HS3ST4: variants seen among roughly 807,000 people sequenced by gnomAD.
HS3ST4 encodes heparan sulfate-glucosamine 3-sulfotransferase 4.
Under a neutral mutation model 29.2 loss-of-function variants are expected in HS3ST4, and 17 were observed. That is an observed-to-expected ratio of 0.58 (90% confidence interval 0.40 to 0.87). The LOEUF (loss-of-function observed/expected upper bound fraction) is 0.87, where lower values mean the gene tolerates loss of function less well. Among genes scored for constraint, HS3ST4 ranks in the 40% least tolerant of loss-of-function variants. HS3ST4 has a pLI of 0.00. For synonymous variants in HS3ST4, 314 were observed against 285.7 expected (o/e 1.10, Z -1.00); for missense variants, 627 against 634.5 (o/e 0.99, Z 0.13).
chr16:25,766,652 C>T lies in HS3ST4; in HGVS notation c.734+73501C>T, dbSNP rs142147157. On this transcript the variant is annotated intron_variant, in intron 1 of 1. Coordinates refer to ENST00000331351, the MANE Select transcript of HS3ST4 (RefSeq NM_006040.3). Reference sequence around the variant, plus strand: ...TTGAATGTCTGTTATATGTCAGACACTGTAATAAACATTGGTGATACAATG... The same window carrying T: ...TTGAATGTCTGTTATATGTCAGACATTGTAATAAACATTGGTGATACAATG... Among the ~76,000 whole-genome samples the T allele has an allele frequency of 1.3e-3, 195 of 152,298 alleles. 3 individuals carry two copies. In the East Asian group the frequency reaches 0.034, roughly 26 times the overall value.
chr16:25,708,718 A>C, intron 1 of HS3ST4, among the ~76,000 whole-genome samples: 1 of 152,162 alleles, frequency 6.6e-6, no homozygotes. Context: ...GAACAAAACA[A>C]TGAGTTTCTT....
chr16:25,837,767 C>T (rs1321988768), intron 1 of HS3ST4, among the ~76,000 whole-genome samples: 2 of 152,038 alleles, frequency 1.3e-5, no homozygotes, highest in African/African-American at 4.8e-5. Flanking sequence ...CTTAAATCGT[C>T]ACTTTATTTA....
chr16:26,093,106 C>T (rs1898877995), intron 1 of HS3ST4, among the ~76,000 whole-genome samples: 1 of 152,138 alleles, frequency 6.6e-6, no homozygotes, highest in Non-Finnish European at 1.5e-5. Flanking sequence ...CAGGGAGGAG[C>T]CCACCACAGC....
chr16:25,830,111 C>A (rs1967278261), intron 1 of HS3ST4, among the ~76,000 whole-genome samples: 1 of 152,154 alleles, frequency 6.6e-6, no homozygotes, highest in Non-Finnish European at 1.5e-5. Flanking sequence ...AGGCATGAAC[C>A]ACCACACCCA....
chr16:25,814,229 G>T (rs912554602), intron 1 of HS3ST4, among the ~76,000 whole-genome samples: 3 of 152,138 alleles, frequency 2.0e-5, no homozygotes, highest in African/African-American at 7.2e-5. Context: ...GAAACGATAT[G>T]TGAATAAAAA....
chr16:25,977,777 G>A (rs1470565194), intron 1 of HS3ST4, among the ~76,000 whole-genome samples: 1 of 152,216 alleles, frequency 6.6e-6, no homozygotes, highest in African/African-American at 2.4e-5. Flanking sequence ...AACCACAGCT[G>A]TTGACAGCCT....
At chr16:26,121,819 A>C (rs1899280500) in intron 1 of HS3ST4, among the ~76,000 whole-genome samples, 1 of 152,194 alleles carries the variant, frequency 6.6e-6, no homozygotes, top group Non-Finnish European at 1.5e-5. Flanking sequence ...CAAAATAGCT[A>C]ACAGACATTG....
Position 25,715,348 on chromosome 16 carries a change from A to AAAAAAAAAAAAAAAACC in HS3ST4, c.734+22210_734+22211insAACCAAAAAAAAAAAAA, listed in dbSNP as rs1966446868. Among the ~76,000 whole-genome samples the AAAAAAAAAAAAAAAACC allele has an allele frequency of 2.6e-3, 4 of 1,512 alleles. 1 individual carries two copies. Among genetic ancestry groups the AAAAAAAAAAAAAAAACC allele is most frequent in the Non-Finnish European group, 7.5e-3 (4 of 536 alleles). The allele number at this position is 1,512 out of a possible 152,430, so 1.0% of individuals were successfully genotyped here. A position where few individuals can be genotyped will look rare whatever the true frequency, so the allele number is the denominator to read the frequency against. On this transcript the variant is annotated intron_variant, in intron 1 of 1. Coordinates refer to ENST00000331351, the MANE Select transcript of HS3ST4 (RefSeq NM_006040.3). Reference sequence around the variant, plus strand: ...CGTCTCAAAAAAAAAAAAAAAAACCAAAAAAAAAAAAAACTCAGCGCCTTT... The same window carrying AAAAAAAAAAAAAAAACC: ...CGTCTCAAAAAAAAAAAAAAAAACCAAAAAAAAAAAAAAAACCAAAAAAAAAAAAACTCAGCGCCTTT...
At chr16:25,699,385 T>C (rs962392151) in intron 1 of HS3ST4, among the ~76,000 whole-genome samples, 5 of 152,206 alleles carry the variant, frequency 3.3e-5, no homozygotes, top group African/African-American at 1.2e-4. Context: ...AATTCGCAAA[T>C]ACATTCCCCT....
At chr16:25,725,620 A>G (rs1966529902) in intron 1 of HS3ST4, among the ~76,000 whole-genome samples, 2 of 151,810 alleles carry the variant, frequency 1.3e-5, no homozygotes, top group South Asian at 4.1e-4. Flanking sequence ...AATGCAAACA[A>G]TTGGATGCAA....
At chr16:25,700,706 A>T (rs1244245900) in intron 1 of HS3ST4, among the ~76,000 whole-genome samples, 1 of 152,146 alleles carries the variant, frequency 6.6e-6, no homozygotes, top group East Asian at 1.9e-4. Flanking sequence ...TCCTGATTTC[A>T]TTGGTTTTTG....
intron 1 of HS3ST4, among the ~76,000 whole-genome samples, chr16:25,828,242 C>CTCTTCCTT (rs1339335882): frequency 1.3e-5 from 1 of 75,016 alleles, no homozygotes; most frequent in Non-Finnish European, 2.5e-5. Context: ...TTCTTTCTTT[C>CTCTTCCTT]TCTTTCTTTC....
At chr16:25,698,735 C>T (rs1966315271) in intron 1 of HS3ST4, among the ~76,000 whole-genome samples, 1 of 152,118 alleles carries the variant, frequency 6.6e-6, no homozygotes, top group Non-Finnish European at 1.5e-5. Context: ...TAATATTGTC[C>T]AAAGAGGCTG....
chr16:25,840,628 T>A (rs1311900451), intron 1 of HS3ST4, among the ~76,000 whole-genome samples: 1 of 152,242 alleles, frequency 6.6e-6, no homozygotes, highest in African/African-American at 2.4e-5. Flanking sequence ...AAGGGCATTT[T>A]ACAATGGATC....
intron 1 of HS3ST4, among the ~76,000 whole-genome samples, chr16:26,066,311 A>G (rs1898541290): frequency 6.6e-6 from 1 of 152,182 alleles, no homozygotes; most frequent in Non-Finnish European, 1.5e-5. Flanking sequence ...TTCTTGGCCG[A>G]AAGTTTTTAA....
intron 1 of HS3ST4, among the ~76,000 whole-genome samples, chr16:26,069,818 G>T (rs1180282427): frequency 6.7e-6 from 1 of 148,704 alleles, no homozygotes; most frequent in African/African-American, 2.5e-5. Flanking sequence ...TTGGTTTTTT[G>T]TCCTTGCCAT....
intron 1 of HS3ST4, among the ~76,000 whole-genome samples, chr16:26,006,755 C>G (rs772050040): frequency 2.6e-5 from 4 of 152,288 alleles, no homozygotes; most frequent in Non-Finnish European, 5.9e-5. Flanking sequence ...GGAGAAGTTG[C>G]AAATCTTGTA....
intron 1 of HS3ST4, among the ~76,000 whole-genome samples, chr16:25,904,143 GATGGATGGATGAATGGATGA>G (rs1391417591): frequency 7.4e-5 from 6 of 80,782 alleles, no homozygotes; most frequent in African/African-American, 3.6e-4. Flanking sequence ...TGGATGGATG[GATGGATGGATGAATGGATGA>G]ATGGATGGAT....
intron 1 of HS3ST4, among the ~76,000 whole-genome samples, chr16:25,866,054 TATTTGCAAACTATCC>T (rs1402099431): frequency 1.3e-5 from 2 of 152,218 alleles, no homozygotes; most frequent in East Asian, 3.8e-4. Context: ...TGAGAGAAGC[TATTTGCAAACTATCC>T]ATTTGTAATC....
Sources: allele counts gnomAD v4.1 joint callset (sites outside exome capture counted in the v4.1 genomes callset), GRCh38; gene constraint gnomAD v4.1.1; transcripts MANE v1.5; gene names NCBI Gene and HGNC (gene_info 2026-07-23, HGNC 2026-07-21).